MCHR1: variants seen among roughly 807,000 people sequenced by gnomAD.
MCHR1 encodes the protein melanin-concentrating hormone receptor 1.
Under a neutral mutation model 20.4 loss-of-function variants are expected in MCHR1, and 13 were observed. That is an observed-to-expected ratio of 0.64 (90% CI 0.41 to 1.01). MCHR1 has a LOEUF of 1.01. MCHR1 is among the 50% of genes least tolerant of loss of function. The pLI is 0.00. For missense variants in MCHR1, 472 were observed against 477.0 expected (o/e 0.99, Z 0.10); for synonymous variants, 215 against 204.4 (o/e 1.05, Z -0.44).
Position 40,682,443 on chromosome 22 carries a change from T to C in MCHR1, c.*515T>C, listed in dbSNP as rs1004222535. 1.7e-5 allele frequency: 3 copies of C among 174,464 alleles called. No homozygotes were observed. Among genetic ancestry groups the C allele is most frequent in the African/African-American group, 7.1e-5 (3 of 42,314 alleles). The allele number at this position is 174,464 out of a possible 1,614,324, so 10.8% of individuals were successfully genotyped here. On this transcript the variant is annotated 3_prime_UTR_variant, in exon 2 of 2. Coordinates refer to ENST00000249016, the MANE Select transcript of MCHR1 (RefSeq NM_005297.4). Reference sequence around the variant, plus strand: ...ATAATGAAAAATAAAGCATCCCATCTCTCGGCGTTCCAGCATCCTGTCAAT... The same window carrying C: ...ATAATGAAAAATAAAGCATCCCATCCCTCGGCGTTCCAGCATCCTGTCAAT...
Position 40,682,230 on chromosome 22 carries a change from C to A in MCHR1, c.*302C>A. On this transcript the variant is annotated 3_prime_UTR_variant, in exon 2 of 2. Coordinates refer to ENST00000249016, the MANE Select transcript of MCHR1 (RefSeq NM_005297.4). ...TAACCGGTTGCACTATATCTGTGAG[C>A]TCTCAAATGTCTTCTTCCCAAGGCA... The A allele has an allele frequency of 2.3e-6, 1 of 438,782 alleles. No individual in the cohort carries two copies. Among genetic ancestry groups the A allele is most frequent in the Admixed American group, 3.4e-5 (1 of 29,032 alleles). The allele number at this position is 438,782 out of a possible 1,614,324, so 27.2% of individuals were successfully genotyped here.
chr22:40,679,757 C>G, intron 1 of MCHR1, 23 bp downstream of exon 1: 1 of 1,613,668 alleles, frequency 6.2e-7, no homozygotes, highest in Non-Finnish European at 8.5e-7. Flanking sequence ...GGAGCCCTCC[C>G]TCCTCTGGGC....
rs926365933 is a variant in MCHR1, at chr22:40,682,746, G to C, written c.*818G>C. The C allele has an allele frequency of 6.6e-6, 1 of 151,964 alleles. No individual in the cohort carries two copies. Among genetic ancestry groups the C allele is most frequent in the African/African-American group, 2.4e-5 (1 of 41,312 alleles). The allele number at this position is 151,964 out of a possible 1,614,324, so 9.4% of individuals were successfully genotyped here. A position where few individuals can be genotyped will look rare whatever the true frequency, so the allele number is the denominator to read the frequency against. ...GGGTCATTCTAGTGCCCGGTGTGTT[G>C]GCATCATCTTTTTGCTCTAGCCCTT... On this transcript the variant is annotated 3_prime_UTR_variant, in exon 2 of 2. Transcript: ENST00000249016.
Position 40,681,523 on chromosome 22 carries a change from GC to G in MCHR1, c.659del (p.Pro220LeufsTer10). On this transcript the variant is annotated frameshift_variant, in exon 2 of 2. Transcript: ENST00000249016. LOFTEE classifies it high-confidence loss of function. The surrounding 1 kb of genome is among the most constrained non-coding windows in gnomAD (Gnocchi z 4.3). Reference protein sequence around the residue: ...LYQFFLAFALPFVVITAAYVR... With the variant: ...LYQFFLAFALXFVVITAAYVR... ...ACCAGTTTTTCCTGGCCTTTGCCCT[GC>G]CTTTTGTGGTCATCACAGCCGCATA... 1.9e-6 allele frequency: 3 copies of G among 1,612,398 alleles called. No individual in the cohort carries two copies. The highest frequency in any genetic ancestry group is 2.5e-6 in the Non-Finnish European group (3 of 1,180,038).
At position 40,681,976 on chromosome 22, in the gene MCHR1, C is replaced by T. The variant is rs2071827; in HGVS notation, c.*48C>T. 1,267 of 1,598,116 alleles carry T rather than the reference C, an allele frequency of 7.9e-4. 11 individuals carry two copies. In the East Asian group the frequency reaches 0.014, roughly 17 times the overall value. On this transcript the variant is annotated 3_prime_UTR_variant, in exon 2 of 2. Coordinates refer to ENST00000249016, the MANE Select transcript of MCHR1 (RefSeq NM_005297.4). This position sits in a 1 kb window ranked among gnomAD's most constrained non-coding sequence, Gnocchi z 4.3. ...ACCTCCAAGTCAGGGCACCACAACACGCCACCGGGAGAGATGCTGAGAAAA... is the reference window on the plus strand; with the variant it reads ...ACCTCCAAGTCAGGGCACCACAACATGCCACCGGGAGAGATGCTGAGAAAA...
chr22:40,680,408 CCG>C (rs2056872977), intron 1 of MCHR1, among the ~76,000 whole-genome samples: 1 of 152,194 alleles, frequency 6.6e-6, no homozygotes, highest in Non-Finnish European at 1.5e-5. Context: ...AAGGAAATCC[CCG>C]CTAGGAAGCC....
chr22:40,680,443 T>A (rs2056873169), intron 1 of MCHR1, among the ~76,000 whole-genome samples: 1 of 152,102 alleles, frequency 6.6e-6, no homozygotes, highest in African/African-American at 2.4e-5. Flanking sequence ...AGCTGCTGGC[T>A]TGACCAGGGC....
intron 1 of MCHR1, chr22:40,680,695 C>T (rs2056874717): frequency 3.2e-6 from 3 of 936,108 alleles, no homozygotes; most frequent in Non-Finnish European, 3.8e-6. Context: ...GTGGTTCTTG[C>T]CTCTGGTGCC....
intron 1 of MCHR1, among the ~76,000 whole-genome samples, chr22:40,680,389 A>C (rs1214058396): frequency 6.6e-6 from 1 of 152,198 alleles, no homozygotes; most frequent in East Asian, 1.9e-4. Flanking sequence ...GGCTCAGAAG[A>C]TACCAATCAA....
In MCHR1 at chr22:40,682,018, G is replaced by T; in HGVS notation, c.*90G>T. 6.5e-7 allele frequency: 1 copy of T among 1,528,410 alleles called. No homozygotes were observed. The highest frequency in any genetic ancestry group is 8.9e-7 in the Non-Finnish European group (1 of 1,123,978). The allele number at this position is 1,528,410 out of a possible 1,614,324, so 94.7% of individuals were successfully genotyped here. A position where few individuals can be genotyped will look rare whatever the true frequency, so the allele number is the denominator to read the frequency against. ...CTGAGAAAAACCCAAGACCGCTCGG[G>T]AAATGCAGGAAGGCCGGGTTGTGAG... On this transcript the variant is annotated 3_prime_UTR_variant, in exon 2 of 2. Transcript: ENST00000249016.
Position 40,681,495 on chromosome 22 carries a change from T to C in MCHR1, c.629T>C (p.Leu210Pro), listed in dbSNP as rs1166687407. 2 of 1,612,542 alleles carry C rather than the reference T, an allele frequency of 1.2e-6. No homozygotes were observed. Among genetic ancestry groups the C allele is most frequent in the East Asian group, 2.2e-5 (1 of 44,890 alleles). ...NPDTDLYWFT[L>P]YQFFLAFALP... ...GACACTGACCTCTACTGGTTCACCC[T>C]GTACCAGTTTTTCCTGGCCTTTGCC... Residue 210 changes from leucine to proline, a missense_variant, in exon 2 of 2, where the codon CTG becomes CCG. By Grantham distance (98) the Leu-to-Pro change is moderately conservative. Coordinates refer to ENST00000249016, the MANE Select transcript of MCHR1 (RefSeq NM_005297.4). The surrounding 1 kb of genome is among the most constrained non-coding windows in gnomAD (Gnocchi z 4.3).
At chr22:40,679,784 G>A in intron 1 of MCHR1, 50 bp downstream of exon 1, 1 of 1,598,830 alleles carries the variant, frequency 6.3e-7, no homozygotes, top group Non-Finnish European at 8.6e-7. Context: ...TGGAAAATGG[G>A]AAGGTTTCAC....
In MCHR1 at chr22:40,682,511, T is replaced by C. The variant is rs913549018; in HGVS notation, c.*583T>C. On this transcript the variant is annotated 3_prime_UTR_variant, in exon 2 of 2. Transcript: ENST00000249016. ...GGATGCATGTTTATTTGAGGGGATG[T>C]GGCACTGAGCCCACAGGAGTAAAAG... The C allele has an allele frequency of 1.8e-5, 3 of 163,172 alleles. No individual in the cohort carries two copies. Among genetic ancestry groups the C allele is most frequent in the African/African-American group, 7.2e-5 (3 of 41,700 alleles). 10.1% of individuals were successfully genotyped at this position (163,172 alleles called of 1,614,324 possible). A position where few individuals can be genotyped will look rare whatever the true frequency, so the allele number is the denominator to read the frequency against.
In MCHR1 at chr22:40,681,049, C is replaced by T; in HGVS notation, c.183C>T (p.Val61=). ...TGGGCATCATCGGGAACTCCACGGT[C>T]ATCTTCGCGGTCGTGAAGAAGTCCA... ...CLLGIIGNST[V]IFAVVKKSKL... is the part of the protein sequence containing the mutation. Residue 61 remains valine (V), a synonymous_variant, in exon 2 of 2, where the codon GTC becomes GTT. Coordinates refer to ENST00000249016, the MANE Select transcript of MCHR1 (RefSeq NM_005297.4). The surrounding 1 kb of genome is among the most constrained non-coding windows in gnomAD (Gnocchi z 4.3). 6.2e-7 allele frequency: 1 copy of T among 1,614,158 alleles called. No individual in the cohort carries two copies. The highest frequency in any genetic ancestry group is 8.5e-7 in the Non-Finnish European group (1 of 1,180,032).
In MCHR1 at chr22:40,682,273, G is replaced by A. The variant is rs1370954040; in HGVS notation, c.*345G>A. 13 of 355,724 alleles carry A rather than the reference G, an allele frequency of 3.7e-5. No homozygotes were observed. Among genetic ancestry groups the A allele is most frequent in the Non-Finnish European group, 6.5e-5 (12 of 184,254 alleles). The allele number at this position is 355,724 out of a possible 1,614,324, so 22.0% of individuals were successfully genotyped here. ...CCAAGGCAAGAGGTGGAAGGGTACTGACTGGGTTTGTTTAAAGTCAGGCAG... is the reference window on the plus strand; with the variant it reads ...CCAAGGCAAGAGGTGGAAGGGTACTAACTGGGTTTGTTTAAAGTCAGGCAG... On this transcript the variant is annotated 3_prime_UTR_variant, in exon 2 of 2. Coordinates refer to ENST00000249016, the MANE Select transcript of MCHR1 (RefSeq NM_005297.4).
At position 40,682,085 on chromosome 22, in the gene MCHR1, C is replaced by T. The variant is rs201281360; in HGVS notation, c.*157C>T. 64 of 999,882 alleles carry T rather than the reference C, an allele frequency of 6.4e-5. No individual in the cohort carries two copies. Among genetic ancestry groups the T allele is most frequent in the African/African-American group, 4.7e-4 (29 of 62,024 alleles). 61.9% of individuals were successfully genotyped at this position (999,882 alleles called of 1,614,324 possible). Reference sequence around the variant, plus strand: ...ATAAATACATTCCATGGGGCTCACACGTTGCTGGGGAGGCCTGGAGTCAGG... The same window carrying T: ...ATAAATACATTCCATGGGGCTCACATGTTGCTGGGGAGGCCTGGAGTCAGG... On this transcript the variant is annotated 3_prime_UTR_variant, in exon 2 of 2. Coordinates refer to ENST00000249016, the MANE Select transcript of MCHR1 (RefSeq NM_005297.4).
Position 40,681,002 on chromosome 22 carries a change from G to A in MCHR1, c.136G>A (p.Val46Met). 1 of 1,614,152 alleles carries A rather than the reference G, an allele frequency of 6.2e-7. No homozygotes were observed. Among genetic ancestry groups the A allele is most frequent in the Non-Finnish European group, 8.5e-7 (1 of 1,180,034 alleles). The change falls in exon 2 of 2, where the codon GTG (valine) becomes ATG (methionine). Residue 46 changes from valine to methionine, a missense_variant. Coordinates refer to ENST00000249016, the MANE Select transcript of MCHR1 (RefSeq NM_005297.4). This position sits in a 1 kb window ranked among gnomAD's most constrained non-coding sequence, Gnocchi z 4.3. ...CTACATCAACATCATCATGCCTTCG[G>A]TGTTCGGCACCATCTGCCTCCTGGG... ...ISYINIIMPS[V>M]FGTICLLGII...
At chr22:40,680,055 G>A in intron 1 of MCHR1, 1 of 444,458 alleles carries the variant, frequency 2.2e-6, no homozygotes, top group Non-Finnish European at 4.2e-6. Flanking sequence ...AGAGAAGCTG[G>A]AGGGTGGTAT....
Position 40,681,623 on chromosome 22 carries a change from A to C in MCHR1, c.757A>C (p.Arg253=). The change falls in exon 2 of 2, where the codon AGG becomes CGG. Residue 253 remains arginine (R), a synonymous_variant. Coordinates refer to ENST00000249016, the MANE Select transcript of MCHR1 (RefSeq NM_005297.4). This position sits in a 1 kb window ranked among gnomAD's most constrained non-coding sequence, Gnocchi z 4.3. ...SQRSIRLRTK[R]VTRTAIAICL... is the part of the protein sequence containing the mutation. ...GCGCAGCATCCGGCTGCGGACAAAG[A>C]GGGTGACCCGCACAGCCATCGCCAT... 6.2e-7 allele frequency: 1 copy of C among 1,614,228 alleles called. No homozygotes were observed. Among genetic ancestry groups the C allele is most frequent in the Non-Finnish European group, 8.5e-7 (1 of 1,180,044 alleles).
Sources: allele counts gnomAD v4.1 joint callset (sites outside exome capture counted in the v4.1 genomes callset), GRCh38; gene constraint gnomAD v4.1.1; non-coding constraint Gnocchi (gnomAD v3.1); transcripts MANE v1.5; gene names NCBI Gene and HGNC (gene_info 2026-07-23, HGNC 2026-07-21).